Variants in FRS3 observed in about 807,000 individuals in gnomAD.
The protein encoded by FRS3 is fibroblast growth factor receptor substrate 3.
In FRS3, 17 loss-of-function variants were observed where a neutral mutation model predicts 41.9. The observed-to-expected ratio is 0.41, with a 90% CI of 0.28 to 0.61. The LOEUF (loss-of-function observed/expected upper bound fraction) is 0.61, where lower values mean the gene tolerates loss of function less well. Ranked by LOEUF, FRS3 falls within the 20% of genes least tolerant of loss-of-function variation. FRS3 has a pLI of 0.36. For synonymous variants in FRS3, 287 were observed against 274.5 expected, an observed-to-expected ratio of 1.05 and a Z score of -0.45; for missense variants, 619 against 672.1, an observed-to-expected ratio of 0.92 and a Z score of 0.87.
chr6:41,772,805 T>G lies in FRS3; in HGVS notation c.408A>C (p.Pro136=), dbSNP rs760645898. Residue 136 remains proline, a synonymous_variant, in exon 5 of 7, where the codon CCA becomes CCC. Transcript: ENST00000373018. Reference sequence around the variant, plus strand: ...ACACTGGGGTCTCCTCACCATTGGGTGGCTGGGGGGCTCGAGGGAGGTCAA... The same window carrying G: ...ACACTGGGGTCTCCTCACCATTGGGGGGCTGGGGGGCTCGAGGGAGGTCAA... The part of the protein sequence containing the change: ...AELDLPRAPQ[P]PNALGYTVSS... 39 of 1,603,144 alleles carry G rather than the reference T, an allele frequency of 2.4e-5. 1 individual carries two copies. In the East Asian group the frequency reaches 8.5e-4, roughly 35 times the overall value.
chr6:41,771,446 G>T lies in FRS3; in HGVS notation c.652C>A (p.Pro218Thr), dbSNP rs760992457. Reference protein sequence around the residue: ...CLQPLPEGQAPFLPQARGPDQ... With the variant: ...CLQPLPEGQATFLPQARGPDQ... Reference sequence around the variant, plus strand: ...GGTCCCCGGGCCTGCGGGAGGAAGGGTGCCTGACCCTCAGGCAGGGGCTGC... The same window carrying T: ...GGTCCCCGGGCCTGCGGGAGGAAGGTTGCCTGACCCTCAGGCAGGGGCTGC... The change falls in exon 7 of 7, where the codon CCC (proline) becomes ACC (threonine). Residue 218 changes from proline (P) to threonine (T), a missense_variant. Physicochemically the swap from Pro to Thr is conservative, Grantham distance 38. This residue lies in a region of FRS3 where 487 missense variants were observed against 478.3 expected (regional missense o/e 1.02). Coordinates refer to ENST00000373018, the MANE Select transcript of FRS3 (RefSeq NM_006653.5). 1.9e-6 allele frequency: 3 copies of T among 1,610,108 alleles called. No homozygotes were observed. The South Asian group carries it at 3.3e-5, about 18-fold the overall frequency.
intron 2 of FRS3, chr6:41,777,484 C>T (rs1216831099): frequency 6.4e-6 from 1 of 155,758 alleles, no homozygotes; most frequent in Non-Finnish European, 1.4e-5. Flanking sequence ...TCCCTTTTTA[C>T]CTCATCCATT....
At chr6:41,776,886 T>C in intron 3 of FRS3, 36 bp downstream of exon 3, 1 of 1,540,432 alleles carries the variant, frequency 6.5e-7, no homozygotes, top group Non-Finnish European at 9.0e-7. Context: ...CAAGAGGCCA[T>C]GTTGGGAACA....
Position 41,773,078 on chromosome 6 carries a change from G to A in FRS3, c.254-119C>T. The A allele has an allele frequency of 5.5e-6, 4 of 724,742 alleles. No homozygotes were observed. In the Admixed American group the frequency reaches 1.0e-4, roughly 18 times the overall value. The allele number at this position is 724,742 out of a possible 1,614,324, so 44.9% of individuals were successfully genotyped here. A position where few individuals can be genotyped will look rare whatever the true frequency, so the allele number is the denominator to read the frequency against. Reference sequence around the variant, plus strand: ...CAGTCCCAGGCCTGTAGGGGCAGGAGAGCCTCTCCTCATCTTGAGCATTCT... The same window carrying A: ...CAGTCCCAGGCCTGTAGGGGCAGGAAAGCCTCTCCTCATCTTGAGCATTCT... On this transcript the variant is annotated intron_variant, in intron 4 of 6. Coordinates refer to ENST00000373018, the MANE Select transcript of FRS3 (RefSeq NM_006653.5).
At chr6:41,772,274 C>T (rs1042813883) in intron 5 of FRS3, among the ~76,000 whole-genome samples, 34 of 152,190 alleles carry the variant, frequency 2.2e-4, no homozygotes, top group African/African-American at 8.0e-4. Context: ...TCTAGGTCTG[C>T]CAGTAAGGTC....
chr6:41,771,559 G>C, intron 6 of FRS3, 26 bp from the exon 7 acceptor site: 1 of 1,497,832 alleles, frequency 6.7e-7, no homozygotes, highest in Non-Finnish European at 8.9e-7. Context: ...AAGTGAGGCA[G>C]GAGTGTCCCA....
chr6:41,774,031 G>C (rs1772362234), intron 4 of FRS3, among the ~76,000 whole-genome samples: 1 of 151,914 alleles, frequency 6.6e-6, no homozygotes, highest in Non-Finnish European at 1.5e-5. Context: ...CTCACTGCAA[G>C]CTCCGCCTCC....
rs1772256144 is a variant in FRS3 at position 41,770,457 on chromosome 6, A to G, written c.*162T>C. 5 of 655,132 alleles carry G rather than the reference A, an allele frequency of 7.6e-6. No individual in the cohort carries two copies. Among genetic ancestry groups the G allele is most frequent in the Non-Finnish European group, 1.1e-5 (4 of 378,050 alleles). 40.6% of individuals were successfully genotyped at this position (655,132 alleles called of 1,614,324 possible). A position where few individuals can be genotyped will look rare whatever the true frequency, so the allele number is the denominator to read the frequency against. ...GACAGACCAGGAGACTCGGTGGCTG[A>G]TATCTCTGGGGACTCCAGCCAGCAC... On this transcript the variant is annotated 3_prime_UTR_variant, in exon 7 of 7. Coordinates refer to ENST00000373018, the MANE Select transcript of FRS3 (RefSeq NM_006653.5).
rs1003441712 is a variant in FRS3, at chr6:41,770,937, A to C, written c.1161T>G (p.Pro387=). ...RAAIRSHGSF[P]VPLTRRRGSP... ...AGCCGCGGCGGCGGGTCAGTGGCAC[A>C]GGAAAGCTGCCGTGGCTGCGGATGG... The change falls in exon 7 of 7, where the codon CCT becomes CCG. Residue 387 remains proline, a synonymous_variant. Coordinates refer to ENST00000373018, the MANE Select transcript of FRS3 (RefSeq NM_006653.5). 2 of 1,612,634 alleles carry C rather than the reference A, an allele frequency of 1.2e-6. No individual in the cohort carries two copies. The highest frequency in any genetic ancestry group is 1.3e-5 in the African/African-American group (1 of 75,058).
At chr6:41,772,380 C>G (rs1386088971) in intron 5 of FRS3, among the ~76,000 whole-genome samples, 1 of 152,208 alleles carries the variant, frequency 6.6e-6, no homozygotes, top group Non-Finnish European at 1.5e-5. Flanking sequence ...GGTACCTGAT[C>G]TGAATTCAAT....
At position 41,771,047 on chromosome 6, in the gene FRS3, C is replaced by T; in HGVS notation, c.1051G>A (p.Asp351Asn). The T allele has an allele frequency of 3.1e-6, 5 of 1,608,670 alleles. No individual in the cohort carries two copies. Among genetic ancestry groups the T allele is most frequent in the Non-Finnish European group, 4.3e-6 (5 of 1,176,208 alleles). Residue 351 changes from aspartate (D) to asparagine (N), a missense_variant, in exon 7 of 7, where the codon GAT becomes AAT. By Grantham distance (23) the Asp-to-Asn change is conservative. Around this residue, in one of 3 missense-constraint regions of FRS3, gnomAD observed 487 missense variants for 478.3 expected, o/e 1.02. Coordinates refer to ENST00000373018, the MANE Select transcript of FRS3 (RefSeq NM_006653.5). The stretch of plus-strand genomic sequence containing the variant: ...CCATTGGAAGAGGGTGTGAGCCCAT[C>T]CCTCGAGTCCCCATCATCCCCAGCC... ...GEAGDDGDSRDGLTPSSNGFP... is the reference protein window; with the variant it reads ...GEAGDDGDSRNGLTPSSNGFP...
chr6:41,771,191 T>C lies in FRS3; in HGVS notation c.907A>G (p.Ser303Gly). The C allele has an allele frequency of 6.4e-7, 1 of 1,558,614 alleles. No homozygotes were observed. Residue 303 changes from serine to glycine, a missense_variant, in exon 7 of 7, where the codon AGC (serine) becomes GGC (glycine). Transcript: ENST00000373018. ...GLWRGAGWRL[S>G]PEEPGWNGLA... Reference sequence around the variant, plus strand: ...CCATTCCAGCCCGGCTCCTCTGGGCTCAGTCTCCAGCCAGCCCCTCGCCAC... The same window carrying C: ...CCATTCCAGCCCGGCTCCTCTGGGCCCAGTCTCCAGCCAGCCCCTCGCCAC...
Position 41,775,691 on chromosome 6 carries a change from C to A in FRS3, c.67-86G>T, listed in dbSNP as rs1293677276. The A allele has an allele frequency of 6.3e-5, 62 of 987,848 alleles. 1 individual carries two copies. Among genetic ancestry groups the A allele is most frequent in the Non-Finnish European group, 1.6e-6 (1 of 634,432 alleles). The allele number at this position is 987,848 out of a possible 1,614,324, so 61.2% of individuals were successfully genotyped here. On this transcript the variant is annotated intron_variant, in intron 3 of 6. Coordinates refer to ENST00000373018, the MANE Select transcript of FRS3 (RefSeq NM_006653.5). ...TGAGCCACTGGGAGACAATCTGATG[C>A]AGGACAAGAGGTGGGGAACCAAAGG...
At chr6:41,778,270 G>C (rs1772451812) in intron 1 of FRS3, 94 bp from the exon 2 acceptor site, 2 of 152,178 alleles carry the variant, frequency 1.3e-5, no homozygotes, top group Non-Finnish European at 2.9e-5. Context: ...TCCCACCTGG[G>C]TATCTGTTCC....
Position 41,771,178 on chromosome 6 carries a change from G to A in FRS3, c.920C>T (p.Pro307Leu), listed in dbSNP as rs776470493. The change falls in exon 7 of 7, where the codon CCG (proline) becomes CTG (leucine). Residue 307 changes from proline (P) to leucine (L), a missense_variant. Transcript: ENST00000373018. ...GAGWRLSPEEPGWNGLAHRRA... is the reference protein window; with the variant it reads ...GAGWRLSPEELGWNGLAHRRA... Reference sequence around the variant, plus strand: ...GCGGTGGGCAAGGCCATTCCAGCCCGGCTCCTCTGGGCTCAGTCTCCAGCC... The same window carrying A: ...GCGGTGGGCAAGGCCATTCCAGCCCAGCTCCTCTGGGCTCAGTCTCCAGCC... 3.8e-5 allele frequency: 59 copies of A among 1,553,066 alleles called. No individual in the cohort carries two copies. Among genetic ancestry groups the A allele is most frequent in the Non-Finnish European group, 4.4e-5 (51 of 1,146,672 alleles).
In FRS3 at chr6:41,777,014, G is replaced by A; in HGVS notation, c.-23-4C>T. On this transcript the variant is annotated splice_polypyrimidine_tract_variant and splice_region_variant and intron_variant, in intron 2 of 6. Coordinates refer to ENST00000373018, the MANE Select transcript of FRS3 (RefSeq NM_006653.5). Reference sequence around the variant, plus strand: ...GTGTCAGAGCAGCCAGCCTGCCCTAGGAAAAACATACAGGATATGCAGGTC... The same window carrying A: ...GTGTCAGAGCAGCCAGCCTGCCCTAAGAAAAACATACAGGATATGCAGGTC... 1.2e-6 allele frequency: 2 copies of A among 1,610,152 alleles called. No individual in the cohort carries two copies. The highest frequency in any genetic ancestry group is 1.7e-6 in the Non-Finnish European group (2 of 1,176,546).
intron 3 of FRS3, chr6:41,776,674 C>T (rs1244056975): frequency 6.7e-6 from 3 of 446,212 alleles, no homozygotes; most frequent in African/African-American, 6.0e-5. Flanking sequence ...ACACTGACAA[C>T]AGTTCCAAAA....
At chr6:41,774,376 C>T (rs1474554209) in intron 4 of FRS3, among the ~76,000 whole-genome samples, 1 of 152,102 alleles carries the variant, frequency 6.6e-6, no homozygotes, top group Non-Finnish European at 1.5e-5. Context: ...AGGGTCTACT[C>T]TGTTCCCTGC....
rs746735530 is a variant in FRS3 at position 41,776,989 on chromosome 6, G to A, written c.-2C>T. On this transcript the variant is annotated 5_prime_UTR_variant, in exon 3 of 7. Coordinates refer to ENST00000373018, the MANE Select transcript of FRS3 (RefSeq NM_006653.5). ...CAGGCAGCTGCAGCAGCTCCCCATG[G>A]TGTCAGAGCAGCCAGCCTGCCCTAG... The A allele has an allele frequency of 6.2e-7, 1 of 1,614,022 alleles. No homozygotes were observed. The highest frequency in any genetic ancestry group is 8.5e-7 in the Non-Finnish European group (1 of 1,179,888).
Sources: allele counts gnomAD v4.1 joint callset (sites outside exome capture counted in the v4.1 genomes callset), GRCh38; gene constraint gnomAD v4.1.1; regional missense constraint gnomAD v4.1.1; transcripts MANE v1.5; gene names NCBI Gene and HGNC (gene_info 2026-07-23, HGNC 2026-07-21).